Variants in CCNK observed in about 807,000 individuals in gnomAD.
CCNK encodes cyclin-K.
Under a neutral mutation model 65.0 loss-of-function variants are expected in CCNK, and 9 were observed. The ratio of observed to expected loss-of-function variants is 0.14; its 90% CI spans 0.08 to 0.24. The LOEUF is 0.24. Among genes scored for constraint, CCNK ranks in the 10% least tolerant of loss-of-function variants. CCNK has a pLI of 1.00. For synonymous variants in CCNK, 279 were observed against 270.8 expected, an observed-to-expected ratio of 1.03 and a Z score of -0.30; for missense variants, 474 against 720.0, an observed-to-expected ratio of 0.66 and a Z score of 3.91.
At position 99,510,616 on chromosome 14, in the gene CCNK, C is replaced by T; in HGVS notation, c.1577C>T (p.Pro526Leu). The change falls in exon 11 of 11, where the codon CCT becomes CTT. Residue 526 changes from proline to leucine, a missense_variant. Coordinates refer to ENST00000389879, the MANE Select transcript of CCNK (RefSeq NM_001099402.2). ...NFPPPPPRLP[P>L]THAVPPHPPP... ...CCACCCCCACCCCCACGCCTCCCGCCTACCCACGCAGTCCCCCCTCATCCT... is the reference window on the plus strand; with the variant it reads ...CCACCCCCACCCCCACGCCTCCCGCTTACCCACGCAGTCCCCCCTCATCCT... The T allele has an allele frequency of 7.4e-7, 1 of 1,359,980 alleles. No homozygotes were observed. The highest frequency in any genetic ancestry group is 9.6e-7 in the Non-Finnish European group (1 of 1,045,212). The allele number at this position is 1,359,980 out of a possible 1,614,324, so 84.2% of individuals were successfully genotyped here. A position where few individuals can be genotyped will look rare whatever the true frequency, so the allele number is the denominator to read the frequency against.
intron 8 of CCNK, 180 bp from the exon 9 acceptor site, chr14:99,503,431 C>T: frequency 1.6e-6 from 1 of 610,644 alleles, no homozygotes; most frequent in Non-Finnish European, 2.9e-6. Context: ...AGGAAGGGAG[C>T]AGAAATGATG....
intron 3 of CCNK, among the ~76,000 whole-genome samples, 168 bp downstream of exon 3, chr14:99,493,763 A>G (rs142943110): frequency 1.3e-5 from 2 of 152,296 alleles, no homozygotes; most frequent in African/African-American, 4.8e-5. Context: ...TTTTATTCCA[A>G]TTAGCCATGT....
At chr14:99,494,566 C>T (rs139008030) in intron 3 of CCNK, 57 of 152,210 alleles carry the variant, frequency 3.7e-4, no homozygotes, top group African/African-American at 1.3e-3. Context: ...GAGTGTCTGA[C>T]ATCTAGTGTG....
chr14:99,494,329 G>A (rs1192476110), intron 3 of CCNK: 2 of 152,214 alleles, frequency 1.3e-5, no homozygotes, highest in Non-Finnish European at 2.9e-5. Context: ...TAGGTAGACT[G>A]GGTCAGACCA....
chr14:99,496,350 C>T (rs930472561), intron 4 of CCNK, among the ~76,000 whole-genome samples: 2 of 152,164 alleles, frequency 1.3e-5, no homozygotes, highest in African/African-American at 4.8e-5. Context: ...CCAAGCCGGG[C>T]AGATTGCTTG....
At chr14:99,492,906 A>G (rs1896625290) in intron 2 of CCNK, 32 bp downstream of exon 2, 1 of 1,525,420 alleles carries the variant, frequency 6.6e-7, no homozygotes, top group Non-Finnish European at 8.8e-7. Flanking sequence ...TCTGTTACAG[A>G]TAGGCTCCCC....
chr14:99,500,650 C>A, intron 4 of CCNK, 116 bp from the exon 5 acceptor site: 1 of 708,570 alleles, frequency 1.4e-6, no homozygotes, highest in Non-Finnish European at 2.5e-6. Flanking sequence ...GAAGGAAAGG[C>A]AGTTGCTAAA....
Position 99,510,308 on chromosome 14 carries a change from A to AC in CCNK, c.1275dup (p.Ser426LeufsTer158). On this transcript the variant is annotated frameshift_variant, in exon 11 of 11. Transcript: ENST00000389879. LOFTEE classifies it high-confidence loss of function. ...CGCTGCCACACCGGCCCCCGCCCCCACCCCCCTCCAGCTACATGACCGGGA... is the reference window on the plus strand; with the variant it reads ...CGCTGCCACACCGGCCCCCGCCCCCACCCCCCCTCCAGCTACATGACCGGGA... 1 of 343,306 alleles carries AC rather than the reference A, an allele frequency of 2.9e-6. No individual in the cohort carries two copies. Among genetic ancestry groups the AC allele is most frequent in the South Asian group, 2.7e-5 (1 of 37,482 alleles). 21.3% of individuals were successfully genotyped at this position (343,306 alleles called of 1,614,324 possible). A position where few individuals can be genotyped will look rare whatever the true frequency, so the allele number is the denominator to read the frequency against.
rs1231545511 is a variant in CCNK, at chr14:99,510,728, C to G, written c.1689C>G (p.Pro563=). The G allele has an allele frequency of 1.4e-6, 2 of 1,438,532 alleles. No homozygotes were observed. The highest frequency in any genetic ancestry group is 5.2e-5 in the East Asian group (2 of 38,624). 89.1% of individuals were successfully genotyped at this position (1,438,532 alleles called of 1,614,324 possible). A position where few individuals can be genotyped will look rare whatever the true frequency, so the allele number is the denominator to read the frequency against. Residue 563 remains proline (P), a synonymous_variant, in exon 11 of 11, where the codon CCC becomes CCG. Coordinates refer to ENST00000389879, the MANE Select transcript of CCNK (RefSeq NM_001099402.2). ...AGCCTCCTGTGCCCCCGCCCATTCCCCCACCCGGCATGCCTCCAGTTGGGG... is the reference window on the plus strand; with the variant it reads ...AGCCTCCTGTGCCCCCGCCCATTCCGCCACCCGGCATGCCTCCAGTTGGGG... ...GGQPPVPPPI[P]PPGMPPVGGL...
rs1258553086 is a variant in CCNK at position 99,510,175 on chromosome 14, C to A, written c.1136C>A (p.Ala379Asp). 2.5e-6 allele frequency: 4 copies of A among 1,598,486 alleles called. No homozygotes were observed. The highest frequency in any genetic ancestry group is 1.7e-5 in the Admixed American group (1 of 58,918). Residue 379 changes from alanine (A) to aspartate (D), a missense_variant, in exon 11 of 11, where the codon GCT becomes GAT. Around this residue, in one of 6 missense-constraint regions of CCNK, gnomAD observed 229 missense variants for 275.5 expected, o/e 0.83. Coordinates refer to ENST00000389879, the MANE Select transcript of CCNK (RefSeq NM_001099402.2). ...CCTGCAGACCGGAAGCCTCCCCTCG[C>A]TGCTGCCTTAGGTGAGGCTGAGCCG... ...HPPPDRKPPL[A>D]AALGEAEPPG...
At chr14:99,484,054 T>C (rs574738773) in intron 1 of CCNK, among the ~76,000 whole-genome samples, 4 of 152,236 alleles carry the variant, frequency 2.6e-5, no homozygotes, top group Admixed American at 6.5e-5. Flanking sequence ...AAAAAATAAA[T>C]AAATTTACTT....
At chr14:99,492,317 G>A (rs868433577) in intron 1 of CCNK, 1 of 192,100 alleles carries the variant, frequency 5.2e-6, no homozygotes, top group Middle Eastern at 2.0e-3. Context: ...AAAACCAGAA[G>A]AAAGTGAGAT....
At chr14:99,499,254 T>C (rs905341776) in intron 4 of CCNK, among the ~76,000 whole-genome samples, 6 of 152,168 alleles carry the variant, frequency 3.9e-5, no homozygotes, top group Non-Finnish European at 5.9e-5. Context: ...GCCAGGCTGG[T>C]CTTGAACTCC....
At chr14:99,491,115 G>C (rs532807125) in intron 1 of CCNK, among the ~76,000 whole-genome samples, 1 of 152,066 alleles carries the variant, frequency 6.6e-6, no homozygotes, top group Non-Finnish European at 1.5e-5. Context: ...ATTTTACTCA[G>C]CCAGTCCCCT....
At chr14:99,498,146 G>T (rs532703617) in intron 4 of CCNK, among the ~76,000 whole-genome samples, 2 of 152,302 alleles carry the variant, frequency 1.3e-5, no homozygotes, top group African/African-American at 4.8e-5. Flanking sequence ...CGTGGCAGCT[G>T]CTGGTTTGTG....
chr14:99,500,146 G>A (rs1896788047), intron 4 of CCNK: 2 of 152,348 alleles, frequency 1.3e-5, no homozygotes, highest in South Asian at 4.1e-4. Flanking sequence ...GGTGATTTAG[G>A]TAGCATTTTA....
rs1896577878 is a variant in CCNK, at chr14:99,490,647, G to T, written c.-52-1979G>T. ...TACTTTAAAAAAATAGAGATGTCTG[G>T]CTGGGCGCGGTGGCTCACACCTGTA... On this transcript the variant is annotated intron_variant, in intron 1 of 10. Transcript: ENST00000389879. Among the ~76,000 whole-genome samples the T allele has an allele frequency of 3.3e-5, 5 of 152,058 alleles. No homozygotes were observed. In the South Asian group the frequency reaches 1.0e-3, roughly 32 times the overall value.
At position 99,492,450 on chromosome 14, in the gene CCNK, G is replaced by C. The variant is rs1566747745; in HGVS notation, c.-52-176G>C. On this transcript the variant is annotated intron_variant, in intron 1 of 10. Coordinates refer to ENST00000389879, the MANE Select transcript of CCNK (RefSeq NM_001099402.2). ...TGAGATTTATTAATATTAGTACTGG[G>C]GTCATCTTACAGTATTGTGTTAAAT... 1.2e-5 allele frequency: 6 copies of C among 494,150 alleles called. No individual in the cohort carries two copies. The South Asian group carries it at 1.8e-4, about 15-fold the overall frequency. 30.6% of individuals were successfully genotyped at this position (494,150 alleles called of 1,614,324 possible). A position where few individuals can be genotyped will look rare whatever the true frequency, so the allele number is the denominator to read the frequency against.
At chr14:99,507,953 G>C (rs927901151) in intron 10 of CCNK, 4 of 152,242 alleles carry the variant, frequency 2.6e-5, no homozygotes, top group Admixed American at 2.6e-4. Flanking sequence ...CATTTCAGAA[G>C]GTGATGCGCT....
Sources: allele counts gnomAD v4.1 joint callset (sites outside exome capture counted in the v4.1 genomes callset), GRCh38; gene constraint gnomAD v4.1.1; regional missense constraint gnomAD v4.1.1; transcripts MANE v1.5; gene names NCBI Gene and HGNC (gene_info 2026-07-23, HGNC 2026-07-21).